DCC: variants seen among roughly 807,000 people sequenced by gnomAD.
The protein encoded by DCC is DCC netrin 1 receptor.
In DCC, 58 loss-of-function variants were observed where a neutral mutation model predicts 172.5. The observed-to-expected ratio is 0.34, with a 90% CI of 0.27 to 0.42. The LOEUF (loss-of-function observed/expected upper bound fraction) is 0.42, where lower values mean the gene tolerates loss of function less well. DCC is among the 10% of genes least tolerant of loss of function. DCC has a pLI of 1.00. For synonymous variants in DCC, 709 were observed against 644.5 expected (o/e 1.10, Z -1.52); for missense variants, 1,740 against 1,791.0 (o/e 0.97, Z 0.51).
chr18:52,385,914 G>T (rs956823256), intron 1 of DCC, among the ~76,000 whole-genome samples: 12 of 152,134 alleles, frequency 7.9e-5, no homozygotes, highest in African/African-American at 2.9e-4. Flanking sequence ...CTAATTAGTA[G>T]AAAATAATAT....
chr18:53,499,479 AGTCCCTTACACACCACTT>A lies in DCC; in HGVS notation c.4081_4098del (p.Val1361_Leu1366del), dbSNP rs1270374887. Reference sequence around the variant, plus strand: ...CACCAATGAGTGCAATAGAACCGAAAGTCCCTTACACACCACTTTTGTCTCAGCCAGGTAAAGTACTCG... The same window carrying A: ...CACCAATGAGTGCAATAGAACCGAAATTGTCTCAGCCAGGTAAAGTACTCG... On this transcript the variant is annotated inframe_deletion, in exon 27 of 29. Transcript: ENST00000442544. The A allele has an allele frequency of 1.9e-6, 3 of 1,614,016 alleles. No homozygotes were observed. In the African/African-American group the frequency reaches 4.0e-5, roughly 22 times the overall value.
intron 2 of DCC, among the ~76,000 whole-genome samples, chr18:52,872,742 A>T (rs1200485878): frequency 1.3e-5 from 2 of 152,206 alleles, no homozygotes; most frequent in African/African-American, 4.8e-5. Context: ...GGGGCTAAGA[A>T]AACAATATTC....
chr18:52,643,450 C>G (rs1392816918), intron 1 of DCC, among the ~76,000 whole-genome samples: 2 of 152,162 alleles, frequency 1.3e-5, no homozygotes, highest in Non-Finnish European at 2.9e-5. Flanking sequence ...GGCCATCCTT[C>G]GCAATGCTCA....
intron 1 of DCC, among the ~76,000 whole-genome samples, chr18:52,365,370 T>C (rs1372763138): frequency 6.6e-6 from 1 of 152,202 alleles, no homozygotes; most frequent in African/African-American, 2.4e-5. Flanking sequence ...AACTGTTTAA[T>C]GAAAAAGATA....
intron 15 of DCC, among the ~76,000 whole-genome samples, chr18:53,343,072 TAGA>T (rs1270793430): frequency 2.6e-4 from 39 of 151,684 alleles, no homozygotes; most frequent in African/African-American, 8.0e-4. Context: ...ATTAGTTTTT[TAGA>T]TTATCTAAAA....
chr18:52,534,583 G>A (rs2032237924), intron 1 of DCC, among the ~76,000 whole-genome samples: 1 of 152,060 alleles, frequency 6.6e-6, no homozygotes, highest in South Asian at 2.1e-4. Context: ...TGTACATTAG[G>A]CCCGCAGTAG....
At chr18:52,864,768 A>G (rs1262457617) in intron 2 of DCC, among the ~76,000 whole-genome samples, 3 of 151,918 alleles carry the variant, frequency 2.0e-5, no homozygotes, top group Admixed American at 2.0e-4. Context: ...ATGAGTGAGA[A>G]CATGTGGTGT....
intron 1 of DCC, among the ~76,000 whole-genome samples, chr18:52,551,024 A>T (rs909888012): frequency 1.3e-5 from 2 of 152,046 alleles, no homozygotes; most frequent in South Asian, 4.1e-4. Context: ...ATGTATTTGT[A>T]TCTTTGTGAA....
intron 2 of DCC, among the ~76,000 whole-genome samples, chr18:52,833,547 C>T (rs1485379171): frequency 6.6e-6 from 1 of 151,982 alleles, no homozygotes; most frequent in Non-Finnish European, 1.5e-5. Context: ...CCCAGAGTCT[C>T]AGATTTAGTA....
intron 1 of DCC, among the ~76,000 whole-genome samples, chr18:52,667,867 G>T (rs1030891455): frequency 2.0e-5 from 3 of 152,198 alleles, no homozygotes; most frequent in South Asian, 2.1e-4. Flanking sequence ...CCTTGATAAA[G>T]GCTGGTAAGA....
At chr18:53,064,864 C>A (rs2042544559) in intron 6 of DCC, among the ~76,000 whole-genome samples, 1 of 152,114 alleles carries the variant, frequency 6.6e-6, no homozygotes, top group Admixed American at 6.6e-5. Flanking sequence ...AAAATATATG[C>A]TACTTACACT....
chr18:52,413,598 G>GTTT (rs4041443), intron 1 of DCC, among the ~76,000 whole-genome samples: 121,449 of 151,528 alleles, frequency 0.8, 49,030 homozygotes, highest in African/African-American at 0.87. Context: ...TGTTCTGATA[G>GTTT]TTATTATTTT....
At chr18:52,576,947 G>T (rs952727326) in intron 1 of DCC, among the ~76,000 whole-genome samples, 1 of 151,680 alleles carries the variant, frequency 6.6e-6, no homozygotes, top group African/African-American at 2.4e-5. Context: ...CACATTTCAT[G>T]TGCAGTTTTA....
At chr18:53,296,277 G>A (rs554964703) in intron 12 of DCC, among the ~76,000 whole-genome samples, 6 of 151,938 alleles carry the variant, frequency 3.9e-5, no homozygotes, top group Admixed American at 6.6e-5. Flanking sequence ...TCTCTGGATC[G>A]CTGGACCTCA....
rs557896718 is a variant in DCC, at chr18:53,259,802, A to G, written c.1911+44205A>G. Among the ~76,000 whole-genome samples the G allele has an allele frequency of 1.9e-4, 29 of 152,222 alleles. No individual in the cohort carries two copies. In the South Asian group the frequency reaches 5.4e-3, roughly 28 times the overall value. ...GTTCTCCTGGATAATATCCTGCAGTATGTTTTCCAACTTGGTTCCATTCTC... is the reference window on the plus strand; with the variant it reads ...GTTCTCCTGGATAATATCCTGCAGTGTGTTTTCCAACTTGGTTCCATTCTC... On this transcript the variant is annotated intron_variant, in intron 12 of 28. Coordinates refer to ENST00000442544, the MANE Select transcript of DCC (RefSeq NM_005215.4).
intron 21 of DCC, among the ~76,000 whole-genome samples, chr18:53,432,532 C>T (rs1458874781): frequency 6.6e-6 from 1 of 152,138 alleles, no homozygotes; most frequent in East Asian, 1.9e-4. Flanking sequence ...CTGATTACTC[C>T]TCTCTTTCTC....
rs528803079 is a variant in DCC at position 52,976,712 on chromosome 18, A to G, written c.985+51342A>G. Among the ~76,000 whole-genome samples, 4 of 152,304 alleles carry G rather than the reference A, an allele frequency of 2.6e-5. No individual in the cohort carries two copies. In the East Asian group the frequency reaches 5.8e-4, roughly 22 times the overall value. On this transcript the variant is annotated intron_variant, in intron 5 of 28. Coordinates refer to ENST00000442544, the MANE Select transcript of DCC (RefSeq NM_005215.4). ...AGTTGTAAAATAAAACATTAGCCCA[A>G]TGGTTTCTTCCCCCTGAGGATATTC... is the stretch of plus-strand genomic sequence containing the variant.
intron 12 of DCC, among the ~76,000 whole-genome samples, chr18:53,240,051 C>A (rs4940247): frequency 0.47 from 49,762 of 105,394 alleles, 9,729 homozygotes; most frequent in East Asian, 0.65. Context: ...AAAAAAAAAA[C>A]AACAAAACAC....
At chr18:52,586,483 G>A (rs1203821597) in intron 1 of DCC, among the ~76,000 whole-genome samples, 1 of 152,126 alleles carries the variant, frequency 6.6e-6, no homozygotes, top group Admixed American at 6.5e-5. Flanking sequence ...TTTAAAGGTA[G>A]GAGGAGCCCA....
Sources: gnomAD v4.1 joint callset for allele counts (sites outside exome capture counted in the v4.1 genomes callset) on GRCh38, gnomAD v4.1.1 for gene constraint, MANE v1.5 for transcripts, NCBI Gene and HGNC (gene_info 2026-07-23, HGNC 2026-07-21) for gene names.